Variants in CTNND2 observed in about 807,000 individuals in gnomAD.
The protein encoded by CTNND2 is catenin delta 2.
CTNND2 carries 22 observed loss-of-function variants against 144.4 expected under a neutral mutation model. The observed-to-expected ratio is 0.15, with a 90% CI of 0.11 to 0.22. The LOEUF (loss-of-function observed/expected upper bound fraction) is 0.22. CTNND2 is among the 10% of genes least tolerant of loss of function. CTNND2 has a pLI of 1.00. For missense variants in CTNND2, 1,353 were observed against 1,618.8 expected (o/e 0.84, Z 2.82); for synonymous variants, 751 against 695.6 (o/e 1.08, Z -1.25).
At chr5:11,801,792 G>A (rs1791696008) in intron 1 of CTNND2, among the ~76,000 whole-genome samples, 1 of 152,138 alleles carries the variant, frequency 6.6e-6, no homozygotes, top group Admixed American at 6.5e-5. Flanking sequence ...GTAATTCTGA[G>A]TTGCATATAG....
intron 2 of CTNND2, among the ~76,000 whole-genome samples, chr5:11,605,228 C>A (rs971518953): frequency 6.6e-6 from 1 of 152,196 alleles, no homozygotes; most frequent in African/African-American, 2.4e-5. Context: ...GCCCACACAA[C>A]AGACATGCTT....
intron 18 of CTNND2, among the ~76,000 whole-genome samples, chr5:11,001,756 A>G (rs991637066): frequency 1.3e-5 from 2 of 152,186 alleles, no homozygotes; most frequent in East Asian, 3.9e-4. Flanking sequence ...AGCTTAGGTA[A>G]AATAGTACCT....
rs1582097726 is a variant in CTNND2, at chr5:11,903,943, T to A, written c.-90A>T. 2.3e-6 allele frequency: 3 copies of A among 1,284,498 alleles called. No individual in the cohort carries two copies. Among genetic ancestry groups the A allele is most frequent in the Non-Finnish European group, 3.0e-6 (3 of 1,009,178 alleles). 79.6% of individuals were successfully genotyped at this position (1,284,498 alleles called of 1,614,324 possible). On this transcript the variant is annotated 5_prime_UTR_variant, in exon 1 of 22. Coordinates refer to ENST00000304623, the MANE Select transcript of CTNND2 (RefSeq NM_001332.4). This position sits in a 1 kb window ranked among gnomAD's most constrained non-coding sequence, Gnocchi z 5.4. ...GGGCAAGGTCCTGACCTTGCCCAAC[T>A]GCAGCATCTTCCGCTTTTGTTGTCT...
intron 18 of CTNND2, among the ~76,000 whole-genome samples, chr5:11,008,437 T>C (rs368840080): frequency 1.3e-5 from 2 of 152,306 alleles, no homozygotes; most frequent in African/African-American, 4.8e-5. Flanking sequence ...CTGCCTCTGA[T>C]GGTGGAGAAG....
chr5:11,099,460 C>T (rs1401076897), intron 14 of CTNND2, among the ~76,000 whole-genome samples: 1 of 152,088 alleles, frequency 6.6e-6, no homozygotes, highest in African/African-American at 2.4e-5. Flanking sequence ...CAAAGGAATA[C>T]CAGTCAACCA....
intron 19 of CTNND2, among the ~76,000 whole-genome samples, chr5:10,990,223 G>C (rs1738512924): frequency 6.6e-6 from 1 of 152,224 alleles, no homozygotes; most frequent in African/African-American, 2.4e-5. Flanking sequence ...AGGTTCCAGG[G>C]GAGAGGACAA....
chr5:11,197,558 A>T (rs1736989954), intron 11 of CTNND2, among the ~76,000 whole-genome samples: 1 of 152,220 alleles, frequency 6.6e-6, no homozygotes, highest in Non-Finnish European at 1.5e-5. Flanking sequence ...TTTCACCAGG[A>T]AAAGAAACAA....
chr5:11,732,969 A>T (rs1787476398), intron 1 of CTNND2, among the ~76,000 whole-genome samples: 1 of 152,130 alleles, frequency 6.6e-6, no homozygotes, highest in South Asian at 2.1e-4. Flanking sequence ...CTGGGTTCGT[A>T]GAGCTTCTGG....
At chr5:11,441,557 T>A (rs886731212) in intron 3 of CTNND2, among the ~76,000 whole-genome samples, 13 of 151,190 alleles carry the variant, frequency 8.6e-5, no homozygotes, top group African/African-American at 2.7e-4. Flanking sequence ...TTTTTTTTTT[T>A]ATTTTTAGTA....
intron 5 of CTNND2, among the ~76,000 whole-genome samples, chr5:11,403,041 T>A (rs1028088749): frequency 6.6e-6 from 1 of 152,230 alleles, no homozygotes; most frequent in Non-Finnish European, 1.5e-5. Flanking sequence ...TTCTTTTTTT[T>A]AAATTTTATT....
At chr5:11,745,939 C>T (rs1788284155) in intron 1 of CTNND2, among the ~76,000 whole-genome samples, 1 of 152,206 alleles carries the variant, frequency 6.6e-6, no homozygotes. Flanking sequence ...AGCTTTATAA[C>T]ATGTGATGCA....
intron 1 of CTNND2, among the ~76,000 whole-genome samples, chr5:11,867,655 A>G (rs1006790875): frequency 5.9e-5 from 9 of 152,238 alleles, no homozygotes; most frequent in African/African-American, 2.2e-4. Context: ...TCATTCATTC[A>G]TTCAATAATA....
At chr5:11,077,374 T>C (rs575094587) in intron 16 of CTNND2, among the ~76,000 whole-genome samples, 1 of 152,230 alleles carries the variant, frequency 6.6e-6, no homozygotes, top group South Asian at 2.1e-4. Context: ...CTGAAAAGCT[T>C]CTCTGGGAAA....
At chr5:11,512,152 A>G (rs1171257400) in intron 3 of CTNND2, among the ~76,000 whole-genome samples, 1 of 152,196 alleles carries the variant, frequency 6.6e-6, no homozygotes, top group African/African-American at 2.4e-5. Flanking sequence ...CCACACTGAG[A>G]AGAACAACAC....
intron 1 of CTNND2, among the ~76,000 whole-genome samples, chr5:11,788,051 T>C (rs569586642): frequency 6.6e-6 from 1 of 152,352 alleles, no homozygotes; most frequent in East Asian, 1.9e-4. Context: ...TATTTGAAAG[T>C]GTTTTTTAAG....
At chr5:11,527,024 C>G (rs1581414177) in intron 3 of CTNND2, among the ~76,000 whole-genome samples, 1 of 151,996 alleles carries the variant, frequency 6.6e-6, no homozygotes, top group East Asian at 1.9e-4. Flanking sequence ...CATAATGTAC[C>G]TAGAGTAGGC....
chr5:11,544,991 G>A (rs1407079271), intron 3 of CTNND2, among the ~76,000 whole-genome samples: 5 of 151,834 alleles, frequency 3.3e-5, no homozygotes, highest in Admixed American at 6.6e-5. Flanking sequence ...GTGTGATGAC[G>A]CGTGTCTGTA....
At chr5:11,083,970 A>G (rs1039972378) in intron 15 of CTNND2, 1 of 1,088,136 alleles carries the variant, frequency 9.2e-7, no homozygotes, top group South Asian at 2.1e-5. Flanking sequence ...ATGAAATATG[A>G]AATCAAAAAA....
chr5:11,836,536 C>T (rs1306581002), intron 1 of CTNND2, among the ~76,000 whole-genome samples: 1 of 130,260 alleles, frequency 7.7e-6, no homozygotes, highest in Non-Finnish European at 1.7e-5. Context: ...GCCAAACTAC[C>T]AAAAAAAAAA....
Sources: gnomAD v4.1 joint callset for allele counts (sites outside exome capture counted in the v4.1 genomes callset) on GRCh38, gnomAD v4.1.1 for gene constraint, Gnocchi (gnomAD v3.1) non-coding constraint, MANE v1.5 for transcripts, NCBI Gene and HGNC (gene_info 2026-07-23, HGNC 2026-07-21) for gene names.